MAP1S: variants seen among roughly 807,000 people sequenced by gnomAD.
The protein encoded by MAP1S is microtubule-associated protein 1S.
Under a neutral mutation model 60.9 loss-of-function variants are expected in MAP1S, and 27 were observed. That is an observed-to-expected ratio of 0.44 (90% CI 0.33 to 0.61). The LOEUF (loss-of-function observed/expected upper bound fraction) is 0.61. Ranked by LOEUF, MAP1S falls within the 20% of genes least tolerant of loss-of-function variation. The pLI is 0.03. For missense variants in MAP1S, 1,608 were observed against 1,486.6 expected (o/e 1.08, Z -1.34); for synonymous variants, 826 against 694.2 (o/e 1.19, Z -2.98).
chr19:17,728,168 G>T lies in MAP1S; in HGVS notation c.2784G>T (p.Pro928=), dbSNP rs192359601. The part of the protein sequence containing the change: ...SSTPKTATRG[P]SGSASSRPGV... ...CCCCCAAGACTGCCACTCGAGGCCC[G>T]TCGGGTGAGTACTGGAGCTGGGGCC... is the stretch of plus-strand genomic sequence containing the variant. The change falls in exon 5 of 7, where the codon CCG becomes CCT. Residue 928 remains proline (P), a synonymous_variant. Transcript: ENST00000324096. 3.9e-4 allele frequency: 614 copies of T among 1,586,002 alleles called. 6 individuals are homozygous for T. In the African/African-American group the frequency reaches 7.4e-3, roughly 19 times the overall value.
intron 1 of MAP1S, chr19:17,720,117 G>A (rs1439288805): frequency 1.6e-6 from 2 of 1,244,142 alleles, no homozygotes; most frequent in East Asian, 3.7e-5. Flanking sequence ...GGGTGTGGGC[G>A]GGTGCGGCCT....
rs1373259447 is a variant in MAP1S, at chr19:17,727,475, C to T, written c.2091C>T (p.Ser697=). 6.2e-7 allele frequency: 1 copy of T among 1,609,616 alleles called. No homozygotes were observed. Among genetic ancestry groups the T allele is most frequent in the Non-Finnish European group, 8.5e-7 (1 of 1,178,480 alleles). ...CGCACTCGACCGAGGTGGACGAGTC[C>T]CTGTCGGTGTCCTTTGAGCAGGTGC... ...GSPHSTEVDE[S]LSVSFEQVLP... is the part of the protein sequence containing the mutation. The change falls in exon 5 of 7, where the codon TCC becomes TCT. Residue 697 remains serine (S), a synonymous_variant. Coordinates refer to ENST00000324096, the MANE Select transcript of MAP1S (RefSeq NM_018174.6). This position sits in a 1 kb window ranked among gnomAD's most constrained non-coding sequence, Gnocchi z 4.1.
chr19:17,727,848 G>A lies in MAP1S; in HGVS notation c.2464G>A (p.Asp822Asn), dbSNP rs746023864. 3.1e-6 allele frequency: 5 copies of A among 1,613,228 alleles called. No homozygotes were observed. The highest frequency in any genetic ancestry group is 1.3e-5 in the African/African-American group (1 of 74,844). The change falls in exon 5 of 7, where the codon GAC becomes AAC. Residue 822 changes from aspartate (D) to asparagine (N), a missense_variant. By Grantham distance (23) the Asp-to-Asn change is conservative. This residue lies in a region of MAP1S where 1,167 missense variants were observed against 961.4 expected (regional missense o/e 1.21). Transcript: ENST00000324096. This position sits in a 1 kb window ranked among gnomAD's most constrained non-coding sequence, Gnocchi z 4.1. ...AGAGGGCTTTGGAGTCCCTCGCCAC[G>A]ACCCTTTGCCTGACCCCCTCAAGGT... ...DTEGFGVPRH[D>N]PLPDPLKVPP...
At position 17,726,977 on chromosome 19, in the gene MAP1S, G is replaced by A. The variant is rs766505478; in HGVS notation, c.1593G>A (p.Pro531=). ...GGGAGTTGAAGAAAGACCCCAAACC[G>A]AGTGTCTCCCGGACCCAGCCGCGGG... ...TPRELKKDPK[P]SVSRTQPREV... Residue 531 remains proline (P), a synonymous_variant, in exon 5 of 7, where the codon CCG becomes CCA. Transcript: ENST00000324096. 1 of 1,576,516 alleles carries A rather than the reference G, an allele frequency of 6.3e-7. No individual in the cohort carries two copies. Among genetic ancestry groups the A allele is most frequent in the South Asian group, 1.2e-5 (1 of 86,338 alleles).
intron 5 of MAP1S, 26 bp downstream of exon 5, chr19:17,728,198 G>A (rs747647393): frequency 5.2e-5 from 80 of 1,539,168 alleles, no homozygotes; most frequent in Non-Finnish European, 6.8e-5. Flanking sequence ...GGGGCCCTGG[G>A]CTGGGTTAGC....
chr19:17,726,933 AAAG>A lies in MAP1S; in HGVS notation c.1553_1555del (p.Glu518del), dbSNP rs1162431243. The A allele has an allele frequency of 1.9e-6, 3 of 1,570,380 alleles. No individual in the cohort carries two copies. The highest frequency in any genetic ancestry group is 2.6e-6 in the Non-Finnish European group (3 of 1,158,494). On this transcript the variant is annotated inframe_deletion, in exon 5 of 7. Coordinates refer to ENST00000324096, the MANE Select transcript of MAP1S (RefSeq NM_018174.6). Reference sequence around the variant, plus strand: ...GGCTGAGGCCCCACGCAAGACTGAGAAAGAAGCCAAGACCCCCCGGGAGTTGAA... The same window carrying A: ...GGCTGAGGCCCCACGCAAGACTGAGAAAGCCAAGACCCCCCGGGAGTTGAA...
intron 2 of MAP1S, among the ~76,000 whole-genome samples, chr19:17,723,849 C>T (rs2080392967): frequency 6.6e-6 from 1 of 152,004 alleles, no homozygotes; most frequent in Admixed American, 6.6e-5. Flanking sequence ...AGCGAGACTC[C>T]GTCTCACAAA....
In MAP1S at chr19:17,732,428, T is replaced by C. The variant is rs967617284; in HGVS notation, c.2789-765T>C. ...CGAGACCCAGCCGTATCCTTTCATT[T>C]CATTGATCATTCACTTGCCCAGGGC... On this transcript the variant is annotated intron_variant, in intron 5 of 6. Coordinates refer to ENST00000324096, the MANE Select transcript of MAP1S (RefSeq NM_018174.6). 4.2e-4 allele frequency among the ~76,000 whole-genome samples: 64 copies of C among 152,184 alleles called. 1 individual carries two copies. Among genetic ancestry groups the C allele is most frequent in the African/African-American group, 1.5e-3 (62 of 41,444 alleles).
intron 1 of MAP1S, chr19:17,720,619 A>T: frequency 9.5e-7 from 1 of 1,052,176 alleles, no homozygotes; most frequent in Non-Finnish European, 1.3e-6. Context: ...ATGGACTTCC[A>T]GGCAGGGGAA....
Position 17,721,155 on chromosome 19 carries a change from G to A in MAP1S, c.220+118G>A, listed in dbSNP as rs1568289443. The A allele has an allele frequency of 3.6e-6, 3 of 836,502 alleles. No homozygotes were observed. In the South Asian group the frequency reaches 4.1e-5, roughly 11 times the overall value. 51.8% of individuals were successfully genotyped at this position (836,502 alleles called of 1,614,324 possible). On this transcript the variant is annotated intron_variant, in intron 2 of 6. Transcript: ENST00000324096. ...AAATAACAACAGTAATAATACAGTT[G>A]AGACCTTTCAAATGCAAGCCGTGAC... is the stretch of plus-strand genomic sequence containing the variant.
In MAP1S at chr19:17,726,829, C is replaced by A; in HGVS notation, c.1445C>A (p.Ser482Ter). The A allele has an allele frequency of 6.4e-7, 1 of 1,555,192 alleles. No individual in the cohort carries two copies. Reference sequence around the variant, plus strand: ...GAGAGCGTGGGCTCCCGGGACAGCTCGAAGAGAGAGGGCCTCCTGGCCACC... The same window carrying A: ...GAGAGCGTGGGCTCCCGGGACAGCTAGAAGAGAGAGGGCCTCCTGGCCACC... ...SKESVGSRDS[S>*]KREGLLATHP... The change falls in exon 5 of 7, where the codon TCG (serine) becomes TAG (stop). Residue 482 changes from serine (S) to a stop codon, truncating the protein, a stop_gained. Transcript: ENST00000324096. LOFTEE classifies it high-confidence loss of function.
rs762939837 is a variant in MAP1S at position 17,724,107 on chromosome 19, C to T, written c.221-19C>T. ...GGGGAGGCAGGATTTGACTCCGGGA[C>T]GGCCTGATTCCCCCACAGGCCAGCG... On this transcript the variant is annotated intron_variant, in intron 2 of 6. Coordinates refer to ENST00000324096, the MANE Select transcript of MAP1S (RefSeq NM_018174.6). The T allele has an allele frequency of 6.2e-6, 10 of 1,602,256 alleles. No individual in the cohort carries two copies. The highest frequency in any genetic ancestry group is 3.3e-5 in the South Asian group (3 of 90,872).
chr19:17,723,950 T>C (rs12979740), intron 2 of MAP1S, among the ~76,000 whole-genome samples, 176 bp from the exon 3 acceptor site: 31,220 of 152,176 alleles, frequency 0.21, 4,171 homozygotes, highest in Non-Finnish European at 0.29. Context: ...CTGCCTCTCT[T>C]AGGCCAGCTG....
Position 17,720,959 on chromosome 19 carries a change from C to T in MAP1S, c.142C>T (p.Pro48Ser). ...AGGCATCCGGTCTTGGGATGTCGAT[C>T]CTGGCGTCTGCAACCTTGATGAACA... ...ERGIRSWDVD[P>S]GVCNLDEQLK... The change falls in exon 2 of 7, where the codon CCT becomes TCT. Residue 48 changes from proline (P) to serine (S), a missense_variant. This residue lies in a region of MAP1S where 320 missense variants were observed against 393.1 expected (regional missense o/e 0.81). Transcript: ENST00000324096. 6.2e-7 allele frequency: 1 copy of T among 1,614,046 alleles called. No individual in the cohort carries two copies. Among genetic ancestry groups the T allele is most frequent in the Non-Finnish European group, 8.5e-7 (1 of 1,179,950 alleles).
intron 6 of MAP1S, among the ~76,000 whole-genome samples, chr19:17,733,682 C>T (rs113914749): frequency 3.6e-4 from 55 of 152,308 alleles, no homozygotes; most frequent in African/African-American, 1.3e-3. Flanking sequence ...TATCCCTTCC[C>T]CAGACACCTT....
chr19:17,733,541 C>A, intron 6 of MAP1S, 113 bp downstream of exon 6: 2 of 840,122 alleles, frequency 2.4e-6, no homozygotes, highest in Non-Finnish European at 3.6e-6. Flanking sequence ...GGAATGGGGG[C>A]GAATGTGGGA....
At chr19:17,720,489 A>G (rs1424806774) in intron 1 of MAP1S, 13 of 1,523,686 alleles carry the variant, frequency 8.5e-6, no homozygotes, top group East Asian at 2.5e-5. Flanking sequence ...TCCAGCTCAC[A>G]TGGTGTCAGG....
chr19:17,720,897 C>T (rs756223845), intron 1 of MAP1S, 39 bp from the exon 2 acceptor site: 8 of 1,496,514 alleles, frequency 5.3e-6, no homozygotes, highest in Admixed American at 5.0e-5. Flanking sequence ...AGCTGGGGGG[C>T]CCGGCTGAAC....
chr19:17,719,641 C>T (rs1358925152), intron 1 of MAP1S, 21 bp downstream of exon 1: 5 of 1,209,674 alleles, frequency 4.1e-6, no homozygotes, highest in East Asian at 3.3e-5. Context: ...CCTGGGGGCC[C>T]GCGGGAGCCC....
Sources: allele counts gnomAD v4.1 joint callset (sites outside exome capture counted in the v4.1 genomes callset), GRCh38; gene constraint gnomAD v4.1.1; regional missense constraint gnomAD v4.1.1; non-coding constraint Gnocchi (gnomAD v3.1); transcripts MANE v1.5; gene names NCBI Gene and HGNC (gene_info 2026-07-23, HGNC 2026-07-21).